The following GPR158 variants were observed in gnomAD, a reference collection of about 807,000 sequenced individuals.
The protein encoded by GPR158 is G protein-coupled receptor 158, also known as metabotropic glycine receptor.
GPR158 carries 30 observed loss-of-function variants against 78.2 expected under a neutral mutation model. That is an observed-to-expected ratio of 0.38 (90% CI 0.29 to 0.52). The LOEUF (loss-of-function observed/expected upper bound fraction) is 0.52. Among genes scored for constraint, GPR158 ranks in the 20% least tolerant of loss-of-function variants. The probability of loss-of-function intolerance (pLI) is 0.83; values close to 1 mark genes in which losing one functional copy is unlikely to be tolerated. For missense variants in GPR158, 1,463 were observed against 1,523.5 expected (o/e 0.96, Z 0.66); for synonymous variants, 581 against 591.1 (o/e 0.98, Z 0.25).
At chr10:25,236,514 TA>T (rs918701062) in intron 2 of GPR158, among the ~76,000 whole-genome samples, 2 of 151,748 alleles carry the variant, frequency 1.3e-5, no homozygotes, top group Non-Finnish European at 2.9e-5. Context: ...TCTCAAAAAA[TA>T]AAAAAAATAA....
intron 2 of GPR158, among the ~76,000 whole-genome samples, chr10:25,328,318 A>G (rs964808852): frequency 1.3e-5 from 2 of 152,202 alleles, no homozygotes; most frequent in Admixed American, 6.5e-5. Context: ...ACTGAAGCCT[A>G]TTGATAAACT....
chr10:25,285,489 C>T (rs1308547389), intron 2 of GPR158, among the ~76,000 whole-genome samples: 1 of 152,110 alleles, frequency 6.6e-6, no homozygotes, highest in Admixed American at 6.6e-5. Flanking sequence ...GGCCTGAGAA[C>T]CTCAGGAGGC....
chr10:25,407,689 A>G (rs977977363), intron 3 of GPR158, among the ~76,000 whole-genome samples: 8 of 152,140 alleles, frequency 5.3e-5, no homozygotes, highest in African/African-American at 1.9e-4. Context: ...TCTGTCTCAC[A>G]TGATAACCAA....
rs879094664 is a variant in GPR158, at chr10:25,598,338, T to C, written c.2712T>C (p.Ser904=). 2 of 1,613,844 alleles carry C rather than the reference T, an allele frequency of 1.2e-6. No individual in the cohort carries two copies. The highest frequency in any genetic ancestry group is 1.3e-5 in the African/African-American group (1 of 74,832). ...PRTSMLQKSL[S]VIASAKEKTL... The stretch of plus-strand genomic sequence containing the variant: ...CATCGATGTTACAGAAGTCTCTCAG[T>C]GTCATAGCAAGCGCCAAGGAGAAGA... Residue 904 remains serine (S), a synonymous_variant, in exon 11 of 11, where the codon AGT becomes AGC. Coordinates refer to ENST00000376351, the MANE Select transcript of GPR158 (RefSeq NM_020752.3).
intron 5 of GPR158, among the ~76,000 whole-genome samples, chr10:25,487,641 T>C (rs1835752200): frequency 6.6e-6 from 1 of 152,146 alleles, no homozygotes; most frequent in Admixed American, 6.6e-5. Flanking sequence ...TATCTGTAAG[T>C]TGAAAATAAT....
chr10:25,386,986 T>C (rs951496257), intron 2 of GPR158, among the ~76,000 whole-genome samples: 6 of 152,172 alleles, frequency 3.9e-5, no homozygotes, highest in Non-Finnish European at 8.8e-5. Flanking sequence ...TGACTAATTG[T>C]TCTGGCAAGG....
chr10:25,486,098 A>G (rs1411591852), intron 5 of GPR158, among the ~76,000 whole-genome samples: 1 of 152,114 alleles, frequency 6.6e-6, no homozygotes. Context: ...GGAGAAATAA[A>G]TTTCTGTTGT....
intron 4 of GPR158, among the ~76,000 whole-genome samples, chr10:25,435,988 C>G (rs552389459): frequency 6.6e-6 from 1 of 152,118 alleles, no homozygotes; most frequent in South Asian, 2.1e-4. Flanking sequence ...GCTTGGGGAA[C>G]TGGGTGAAGA....
At chr10:25,241,311 T>TTTCTCTTCACTTCTCTTCTC (rs1853618129) in intron 2 of GPR158, among the ~76,000 whole-genome samples, 1 of 104,596 alleles carries the variant, frequency 9.6e-6, no homozygotes, top group African/African-American at 4.4e-5. Context: ...TTTCTTTTCT[T>TTTCTCTTCACTTCTCTTCTC]TTCTCTTCTC....
intron 4 of GPR158, 89 bp from the exon 5 acceptor site, chr10:25,466,562 C>G (rs1005603494): frequency 5.2e-6 from 4 of 766,630 alleles, no homozygotes; most frequent in Non-Finnish European, 8.9e-6. Context: ...GAATGCTGTC[C>G]TACTGCATTG....
chr10:25,284,312 A>G (rs1014984929), intron 2 of GPR158, among the ~76,000 whole-genome samples: 1 of 152,046 alleles, frequency 6.6e-6, no homozygotes, highest in East Asian at 1.9e-4. Context: ...TGTTAGTTGC[A>G]TGTATATACA....
intron 3 of GPR158, among the ~76,000 whole-genome samples, chr10:25,409,727 C>T (rs1834560581): frequency 6.6e-6 from 1 of 152,168 alleles, no homozygotes; most frequent in South Asian, 2.1e-4. Flanking sequence ...CCAGTTTTCT[C>T]ATATAATTCC....
At chr10:25,241,372 C>CTCTCTTCTCTTCTCT (rs368885244) in intron 2 of GPR158, among the ~76,000 whole-genome samples, 5,384 of 102,542 alleles carry the variant, frequency 0.053, 251 homozygotes, top group East Asian at 0.065. Context: ...CTTTTCTTTT[C>CTCTCTTCTCTTCTCT]TCTCTTCTCT....
chr10:25,494,587 T>A (rs1017943273), intron 5 of GPR158, among the ~76,000 whole-genome samples: 34 of 152,278 alleles, frequency 2.2e-4, no homozygotes, highest in Admixed American at 2.0e-3. Context: ...ATAACAATCG[T>A]GTAGTAGTCA....
In GPR158 at chr10:25,188,441, A is replaced by C. The variant is rs1324503675; in HGVS notation, c.902+12119A>C. ...GTACTGGTATCAAACACAGATATAG[A>C]CCAATGGAACAGAACAGAGCCCTCA... On this transcript the variant is annotated intron_variant, in intron 1 of 10. Transcript: ENST00000376351. 2.0e-5 allele frequency among the ~76,000 whole-genome samples: 3 copies of C among 152,220 alleles called. No homozygotes were observed. In the East Asian group the frequency reaches 5.8e-4, roughly 29 times the overall value.
intron 1 of GPR158, among the ~76,000 whole-genome samples, chr10:25,212,830 C>T (rs1410202990): frequency 2.0e-5 from 3 of 152,068 alleles, no homozygotes; most frequent in Non-Finnish European, 4.4e-5. Context: ...CGGGGTTTCA[C>T]CATATTAGCC....
chr10:25,433,574 C>T (rs866289560), intron 4 of GPR158, among the ~76,000 whole-genome samples: 1,442 of 94,496 alleles, frequency 0.015, 25 homozygotes, highest in African/African-American at 0.059. Context: ...TGTGTGTGCG[C>T]GCGCGCGTGC....
At chr10:25,255,920 A>T (rs1053806721) in intron 2 of GPR158, among the ~76,000 whole-genome samples, 1 of 152,194 alleles carries the variant, frequency 6.6e-6, no homozygotes, top group Non-Finnish European at 1.5e-5. Context: ...ATGGGAGGGG[A>T]TGATAAATGG....
At chr10:25,460,564 A>G (rs936233763) in intron 4 of GPR158, among the ~76,000 whole-genome samples, 2 of 152,224 alleles carry the variant, frequency 1.3e-5, no homozygotes, top group Non-Finnish European at 2.9e-5. Context: ...AAAGTATATT[A>G]CATAGTAATA....
Sources: gnomAD v4.1 joint callset for allele counts (sites outside exome capture counted in the v4.1 genomes callset) on GRCh38, gnomAD v4.1.1 for gene constraint, MANE v1.5 for transcripts, NCBI Gene and HGNC (gene_info 2026-07-23, HGNC 2026-07-21) for gene names.